The following FREM1 variants were observed in gnomAD, a reference collection of about 807,000 sequenced individuals.
FREM1 encodes the protein FRAS1-related extracellular matrix protein 1.
Under a neutral mutation model 210.1 loss-of-function variants are expected in FREM1, and 220 were observed. The observed-to-expected ratio is 1.05, with a 90% CI of 0.94 to 1.17. FREM1 has a LOEUF of 1.17. FREM1 is among the 50% of genes most tolerant of loss of function. FREM1 has a pLI of 0.00. For missense variants in FREM1, 3,454 were observed against 2,675.5 expected (o/e 1.29, Z -6.42); for synonymous variants, 1,189 against 980.2 (o/e 1.21, Z -3.98).
chr9:14,785,042 C>T (rs908938058), intron 23 of FREM1, among the ~76,000 whole-genome samples: 5 of 152,026 alleles, frequency 3.3e-5, no homozygotes, highest in African/African-American at 9.7e-5. Context: ...TGTAAAGAGT[C>T]GAATGTTCAC....
chr9:14,852,982 T>C (rs1046987785), intron 5 of FREM1, among the ~76,000 whole-genome samples: 1 of 152,206 alleles, frequency 6.6e-6, no homozygotes, highest in Non-Finnish European at 1.5e-5. Context: ...CATATAAGAA[T>C]ATAAAAAGAT....
chr9:14,784,181 A>AC, intron 24 of FREM1, 189 bp downstream of exon 24: 1 of 518,284 alleles, frequency 1.9e-6, no homozygotes, highest in East Asian at 3.0e-5. Flanking sequence ...AAAATGACTC[A>AC]TTTTTTTCTC....
chr9:14,842,567 A>G lies in FREM1; in HGVS notation c.1487T>C (p.Val496Ala), dbSNP rs756356591. 41 of 1,613,870 alleles carry G rather than the reference A, an allele frequency of 2.5e-5. No homozygotes were observed. The highest frequency in any genetic ancestry group is 3.5e-5 in the Non-Finnish European group (41 of 1,179,852). The change falls in exon 9 of 37, where the codon GTC (valine) becomes GCC (alanine). Residue 496 changes from valine to alanine, a missense_variant. Coordinates refer to ENST00000380880, the MANE Select transcript of FREM1 (RefSeq NM_001379081.2). ...GTGATGGCCATCAAATATCCGGAAGACCACGAAGTCTTTGGTGGAGTCGCT... is the reference window on the plus strand; with the variant it reads ...GTGATGGCCATCAAATATCCGGAAGGCCACGAAGTCTTTGGTGGAGTCGCT... ...DDSDSTKDFV[V>A]FRIFDGHHSI...
intron 1 of FREM1, among the ~76,000 whole-genome samples, chr9:14,907,332 T>G (rs1267464521): frequency 6.6e-6 from 1 of 152,220 alleles, no homozygotes; most frequent in Non-Finnish European, 1.5e-5. Flanking sequence ...AAATATAGTA[T>G]AGACAGTATT....
intron 1 of FREM1, among the ~76,000 whole-genome samples, chr9:14,879,206 T>C (rs957505604): frequency 6.7e-6 from 1 of 150,018 alleles, no homozygotes; most frequent in African/African-American, 2.5e-5. Context: ...CCATTAGCCA[T>C]GGATCAAGAT....
At chr9:14,781,689 C>T (rs1050853687) in intron 24 of FREM1, among the ~76,000 whole-genome samples, 2 of 152,074 alleles carry the variant, frequency 1.3e-5, no homozygotes, top group African/African-American at 4.8e-5. Flanking sequence ...CTCTGGGAGG[C>T]CCTAAAAAGG....
intron 2 of FREM1, among the ~76,000 whole-genome samples, chr9:14,865,661 CTG>C (rs56960871): frequency 0.14 from 20,032 of 144,414 alleles, 1,535 homozygotes; most frequent in Middle Eastern, 0.23. Flanking sequence ...AATGTTTAGG[CTG>C]TGTGTGTGTG....
chr9:14,858,651 G>C (rs1829247989), intron 4 of FREM1, among the ~76,000 whole-genome samples: 1 of 152,078 alleles, frequency 6.6e-6, no homozygotes, highest in South Asian at 2.1e-4. Flanking sequence ...ATAGTTTCTA[G>C]AGAGAACAGG....
chr9:14,826,537 G>A (rs571277640), intron 10 of FREM1, among the ~76,000 whole-genome samples: 29 of 152,076 alleles, frequency 1.9e-4, no homozygotes, highest in African/African-American at 6.3e-4. Context: ...CACCCTTAAC[G>A]GCTCTTCTTA....
rs1018396688 is a variant in FREM1, at chr9:14,836,384, T to C, written c.1881+5063A>G. Among the ~76,000 whole-genome samples, 1 of 152,204 alleles carries C rather than the reference T, an allele frequency of 6.6e-6. No individual in the cohort carries two copies. Among genetic ancestry groups the C allele is most frequent in the Non-Finnish European group, 1.5e-5 (1 of 68,030 alleles). ...TTTACTATCACTAAGTCTGCTAGGATTTTTTATTGGATTTAGTGATGCACT... is the reference window on the plus strand; with the variant it reads ...TTTACTATCACTAAGTCTGCTAGGACTTTTTATTGGATTTAGTGATGCACT... On this transcript the variant is annotated intron_variant, in intron 10 of 36. Coordinates refer to ENST00000380880, the MANE Select transcript of FREM1 (RefSeq NM_001379081.2). The surrounding 1 kb of genome is among the most constrained non-coding windows in gnomAD (Gnocchi z 4.9).
chr9:14,828,646 G>T lies in FREM1; in HGVS notation c.1882-3654C>A, dbSNP rs912004564. Among the ~76,000 whole-genome samples the T allele has an allele frequency of 1.0e-4, 15 of 147,178 alleles. 4 individuals carry two copies. Among genetic ancestry groups the T allele is most frequent in the African/African-American group, 3.1e-4 (12 of 39,278 alleles). The stretch of plus-strand genomic sequence containing the variant: ...AAGAACATAAATTGTGGCGGGGCGG[G>T]GGAGGTGCCGGGGTAGAATGTTATG... On this transcript the variant is annotated intron_variant, in intron 10 of 36. Coordinates refer to ENST00000380880, the MANE Select transcript of FREM1 (RefSeq NM_001379081.2).
At chr9:14,853,611 C>G (rs1279345590) in intron 5 of FREM1, among the ~76,000 whole-genome samples, 1 of 152,114 alleles carries the variant, frequency 6.6e-6, no homozygotes, top group East Asian at 1.9e-4. Context: ...CTCCCATTCC[C>G]CAAAACCACC....
At chr9:14,861,686 T>C (rs1015518858) in intron 3 of FREM1, among the ~76,000 whole-genome samples, 3 of 151,938 alleles carry the variant, frequency 2.0e-5, no homozygotes, top group African/African-American at 7.3e-5. Context: ...TTTGTATTTT[T>C]AGTAGAGATG....
chr9:14,860,800 CAT>C (rs1267151671), intron 3 of FREM1, among the ~76,000 whole-genome samples: 2 of 77,140 alleles, frequency 2.6e-5, no homozygotes, highest in African/African-American at 5.3e-5. Flanking sequence ...CATATATACA[CAT>C]ATATACATAT....
intron 2 of FREM1, among the ~76,000 whole-genome samples, chr9:14,864,725 G>A (rs540068550): frequency 3.3e-5 from 5 of 152,262 alleles, no homozygotes; most frequent in African/African-American, 1.2e-4. Flanking sequence ...TACCCTTGAG[G>A]TATGCACGCA....
chr9:14,810,528 T>C (rs1334902367), intron 16 of FREM1, among the ~76,000 whole-genome samples: 3 of 152,172 alleles, frequency 2.0e-5, no homozygotes, highest in African/African-American at 7.2e-5. Flanking sequence ...CTTGGCTTAC[T>C]CTAGGTTCCA....
At chr9:14,753,299 A>G (rs979875953) in intron 29 of FREM1, among the ~76,000 whole-genome samples, 1 of 152,230 alleles carries the variant, frequency 6.6e-6, no homozygotes, top group African/African-American at 2.4e-5. Context: ...CATTTTCTCA[A>G]TATTTTTTAG....
chr9:14,784,724 C>T (rs1850146549), intron 23 of FREM1, 90 bp from the exon 24 acceptor site: 1 of 899,104 alleles, frequency 1.1e-6, no homozygotes, highest in East Asian at 2.8e-5. Context: ...CAAAACTGTG[C>T]AAAAATCAAA....
chr9:14,890,471 A>T (rs1325541555), intron 1 of FREM1, among the ~76,000 whole-genome samples: 2 of 152,246 alleles, frequency 1.3e-5, no homozygotes, highest in Non-Finnish European at 2.9e-5. Flanking sequence ...CATATTAAAG[A>T]TTCTAAGAAG....
Sources: allele counts gnomAD v4.1 joint callset (sites outside exome capture counted in the v4.1 genomes callset), GRCh38; gene constraint gnomAD v4.1.1; non-coding constraint Gnocchi (gnomAD v3.1); transcripts MANE v1.5; gene names NCBI Gene and HGNC (gene_info 2026-07-23, HGNC 2026-07-21).